Variants in PRKCE observed in about 807,000 individuals in gnomAD.
PRKCE encodes the protein protein kinase C epsilon.
A neutral mutation model predicts 85.4 loss-of-function variants in PRKCE; 16 were observed. The ratio of observed to expected loss-of-function variants is 0.19; its 90% CI spans 0.13 to 0.28. The LOEUF (loss-of-function observed/expected upper bound fraction) is 0.28, where lower values mean the gene tolerates loss of function less well. Among genes scored for constraint, PRKCE ranks in the 10% least tolerant of loss-of-function variants. The probability of loss-of-function intolerance (pLI) is 1.00; values close to 1 mark genes in which losing one functional copy is unlikely to be tolerated. For missense variants in PRKCE, 573 were observed against 975.2 expected (o/e 0.59, Z 5.49); for synonymous variants, 388 against 371.5 (o/e 1.04, Z -0.51).
chr2:46,061,121 T>G (rs1422146839), intron 10 of PRKCE, among the ~76,000 whole-genome samples: 1 of 146,318 alleles, frequency 6.8e-6, no homozygotes, highest in African/African-American at 2.5e-5. Flanking sequence ...TTTTTTTTTT[T>G]TTTTTGAGAC....
chr2:45,705,882 G>A (rs530019151), intron 1 of PRKCE, among the ~76,000 whole-genome samples: 5 of 152,310 alleles, frequency 3.3e-5, no homozygotes, highest in South Asian at 2.1e-4. Flanking sequence ...TGGCTGTTGG[G>A]ACCTGGGGTC....
At chr2:45,928,016 T>C (rs1698762137) in intron 2 of PRKCE, among the ~76,000 whole-genome samples, 1 of 152,140 alleles carries the variant, frequency 6.6e-6, no homozygotes, top group Non-Finnish European at 1.5e-5. Context: ...GAAGAGTATC[T>C]GGCTATTGTT....
At chr2:45,718,010 G>A (rs1201539841) in intron 1 of PRKCE, among the ~76,000 whole-genome samples, 1 of 152,230 alleles carries the variant, frequency 6.6e-6, no homozygotes, top group African/African-American at 2.4e-5. Context: ...AATCCTTGTA[G>A]ATACATTGTT....
At chr2:45,731,617 ATTTTTTTTTT>A (rs11329717) in intron 1 of PRKCE, among the ~76,000 whole-genome samples, 3 of 108,582 alleles carry the variant, frequency 2.8e-5, no homozygotes, top group Admixed American at 1.0e-4. Flanking sequence ...AATTCCTGGA[ATTTTTTTTTT>A]TTTTTTTTTT....
At chr2:45,719,088 T>C (rs1680392942) in intron 1 of PRKCE, among the ~76,000 whole-genome samples, 1 of 152,236 alleles carries the variant, frequency 6.6e-6, no homozygotes, top group South Asian at 2.1e-4. Context: ...AAAAATGGTT[T>C]ATTAGCAGCA....
intron 1 of PRKCE, among the ~76,000 whole-genome samples, chr2:45,680,047 G>A (rs1014879094): frequency 6.6e-6 from 1 of 152,174 alleles, no homozygotes; most frequent in Admixed American, 6.5e-5. Context: ...AACAAGAGAG[G>A]TAAAGAGAAA....
chr2:45,729,671 A>G (rs1052455392), intron 1 of PRKCE, among the ~76,000 whole-genome samples: 2 of 152,230 alleles, frequency 1.3e-5, no homozygotes, highest in Non-Finnish European at 2.9e-5. Flanking sequence ...TCTAGGCTGT[A>G]TCCTCCATGG....
At chr2:45,728,263 G>A (rs575036194) in intron 1 of PRKCE, among the ~76,000 whole-genome samples, 2 of 152,216 alleles carry the variant, frequency 1.3e-5, no homozygotes, top group African/African-American at 2.4e-5. Context: ...GTTAGGGCAA[G>A]TAGAAATTTC....
intron 2 of PRKCE, among the ~76,000 whole-genome samples, chr2:45,917,722 G>A (rs1395754324): frequency 1.3e-5 from 2 of 152,256 alleles, no homozygotes; most frequent in African/African-American, 4.8e-5. Context: ...GGAGCAGGGG[G>A]CGGCGCTCGT....
Position 46,151,149 on chromosome 2 carries a change from G to A in PRKCE, c.1840G>A (p.Asp614Asn), listed in dbSNP as rs1676581057. Residue 614 changes from aspartate (D) to asparagine (N), a missense_variant, in exon 13 of 15, where the codon GAC (aspartate) becomes AAC (asparagine). By Grantham distance (23) the Asp-to-Asn change is conservative (BLOSUM62 1). Transcript: ENST00000306156. Reference sequence around the variant, plus strand: ...TCCCTTTGAGGCCGACAATGAGGACGACCTATTTGAGTCCATCCTCCATGA... The same window carrying A: ...TCCCTTTGAGGCCGACAATGAGGACAACCTATTTGAGTCCATCCTCCATGA... ...QPPFEADNED[D>N]LFESILHDDV... The A allele has an allele frequency of 6.3e-7, 1 of 1,599,578 alleles. No individual in the cohort carries two copies.
intron 2 of PRKCE, among the ~76,000 whole-genome samples, chr2:45,868,203 G>T (rs1181033841): frequency 6.9e-6 from 1 of 145,134 alleles, no homozygotes; most frequent in African/African-American, 2.5e-5. Context: ...TGGTTGGGGG[G>T]TGTAACGGAG....
At chr2:45,866,066 C>G (rs569309903) in intron 2 of PRKCE, among the ~76,000 whole-genome samples, 12 of 152,006 alleles carry the variant, frequency 7.9e-5, no homozygotes, top group Non-Finnish European at 1.6e-4. Context: ...GAGACCCTCT[C>G]TCCTCAACCT....
At position 45,671,699 on chromosome 2, in the gene PRKCE, G is replaced by T. The variant is rs534545093; in HGVS notation, c.348+19251G>T. Among the ~76,000 whole-genome samples, 35 of 152,140 alleles carry T rather than the reference G, an allele frequency of 2.3e-4. No individual in the cohort carries two copies. The South Asian group carries it at 7.3e-3, about 32-fold the overall frequency. On this transcript the variant is annotated intron_variant, in intron 1 of 14. Coordinates refer to ENST00000306156, the MANE Select transcript of PRKCE (RefSeq NM_005400.3). The stretch of plus-strand genomic sequence containing the variant: ...AATGTAAATCTGCTATATAATAAGA[G>T]ATATTCATTAAATCTTCATTTCTAC...
intron 1 of PRKCE, among the ~76,000 whole-genome samples, chr2:45,722,034 T>C (rs1317629877): frequency 2.0e-5 from 3 of 152,118 alleles, no homozygotes; most frequent in African/African-American, 7.2e-5. Flanking sequence ...TTCTGTTTAT[T>C]TGGGGTACAC....
chr2:45,722,216 T>G (rs1455268977), intron 1 of PRKCE, among the ~76,000 whole-genome samples: 2 of 152,170 alleles, frequency 1.3e-5, no homozygotes, highest in Non-Finnish European at 2.9e-5. Flanking sequence ...TGCAAATCTC[T>G]TTTTAATTTT....
At chr2:46,032,714 T>C (rs1053818307) in intron 10 of PRKCE, among the ~76,000 whole-genome samples, 3 of 152,208 alleles carry the variant, frequency 2.0e-5, no homozygotes, top group African/African-American at 7.2e-5. Flanking sequence ...AAGGTCCTAA[T>C]CAGGAAGCTG....
At chr2:45,703,919 G>A (rs780758871) in intron 1 of PRKCE, among the ~76,000 whole-genome samples, 57 of 152,178 alleles carry the variant, frequency 3.7e-4, no homozygotes, top group Admixed American at 9.2e-4. Context: ...GTATTGAAAT[G>A]ACAAATATGT....
At chr2:45,952,378 C>T (rs773971613) in intron 2 of PRKCE, among the ~76,000 whole-genome samples, 1 of 152,210 alleles carries the variant, frequency 6.6e-6, no homozygotes, top group Non-Finnish European at 1.5e-5. Context: ...CTTGTTCTCT[C>T]TCTCTCATGG....
At chr2:45,667,259 C>T (rs916497240) in intron 1 of PRKCE, among the ~76,000 whole-genome samples, 5 of 151,710 alleles carry the variant, frequency 3.3e-5, no homozygotes, top group South Asian at 2.1e-4. Flanking sequence ...TGCGGTGAGC[C>T]GAGATCACAC....
Sources: gnomAD v4.1 joint callset for allele counts (sites outside exome capture counted in the v4.1 genomes callset) on GRCh38, gnomAD v4.1.1 for gene constraint, MANE v1.5 for transcripts, NCBI Gene and HGNC (gene_info 2026-07-23, HGNC 2026-07-21) for gene names.